STX18: variants seen among roughly 807,000 people sequenced by gnomAD.
STX18 encodes syntaxin-18.
A neutral mutation model predicts 50.1 loss-of-function variants in STX18; 40 were observed. The observed-to-expected ratio is 0.80, with a 90% CI of 0.62 to 1.04. The LOEUF (loss-of-function observed/expected upper bound fraction) is 1.04. Ranked by LOEUF, STX18 falls within the 50% of genes least tolerant of loss-of-function variation. The probability of loss-of-function intolerance (pLI) is 0.00; values close to 1 mark genes in which losing one functional copy is unlikely to be tolerated. For synonymous variants in STX18, 158 were observed against 151.8 expected (o/e 1.04, Z -0.30); for missense variants, 410 against 415.8 (o/e 0.99, Z 0.12).
intron 1 of STX18, among the ~76,000 whole-genome samples, chr4:4,486,034 T>C (rs1051201328): frequency 1.3e-5 from 2 of 152,234 alleles, no homozygotes; most frequent in African/African-American, 4.8e-5. Flanking sequence ...TCCAGGCACA[T>C]GGTAACTCCC....
chr4:4,538,762 A>G (rs972031628), intron 1 of STX18, among the ~76,000 whole-genome samples: 4 of 152,302 alleles, frequency 2.6e-5, no homozygotes, highest in South Asian at 2.1e-4. Flanking sequence ...AAGTAGCAGA[A>G]GCGAGATTTG....
At chr4:4,499,921 C>T (rs1249413784) in intron 1 of STX18, among the ~76,000 whole-genome samples, 1 of 151,804 alleles carries the variant, frequency 6.6e-6, no homozygotes, top group Admixed American at 6.6e-5. Context: ...GGATTTGACC[C>T]AACTGCTCAT....
At chr4:4,464,874 C>A (rs1337013761) in intron 2 of STX18, among the ~76,000 whole-genome samples, 1 of 151,420 alleles carries the variant, frequency 6.6e-6, no homozygotes, top group South Asian at 2.1e-4. Flanking sequence ...AAAAAAGTGG[C>A]TCCTGGATTC....
chr4:4,443,080 T>G (rs1233070430), intron 5 of STX18, among the ~76,000 whole-genome samples: 2 of 152,172 alleles, frequency 1.3e-5, no homozygotes, highest in African/African-American at 4.8e-5. Flanking sequence ...ATGGTGAGAG[T>G]ACCAAACAGT....
chr4:4,515,943 A>G (rs1487024602), intron 1 of STX18, among the ~76,000 whole-genome samples: 1 of 152,202 alleles, frequency 6.6e-6, no homozygotes, highest in African/African-American at 2.4e-5. Context: ...CTGATACAAA[A>G]GCTTTTGTGA....
chr4:4,531,928 T>C (rs1409492410), intron 1 of STX18, among the ~76,000 whole-genome samples: 1 of 152,236 alleles, frequency 6.6e-6, no homozygotes, highest in African/African-American at 2.4e-5. Context: ...GGTAAAAATA[T>C]ACTGTTTGCT....
intron 1 of STX18, chr4:4,507,835 A>G: frequency 1.4e-6 from 1 of 695,778 alleles, no homozygotes; most frequent in Non-Finnish European, 2.3e-6. Flanking sequence ...AAAAAAAAAA[A>G]AAGTTAAAAA....
At chr4:4,445,799 T>TATA (rs1726367607) in intron 5 of STX18, among the ~76,000 whole-genome samples, 1 of 152,236 alleles carries the variant, frequency 6.6e-6, no homozygotes, top group Non-Finnish European at 1.5e-5. Flanking sequence ...ATAAACATTC[T>TATA]AGCAGATTTT....
intron 1 of STX18, among the ~76,000 whole-genome samples, chr4:4,483,224 C>A (rs754176102): frequency 6.6e-6 from 1 of 152,040 alleles, no homozygotes; most frequent in Non-Finnish European, 1.5e-5. Context: ...TAATATTAAG[C>A]CCCTATCATC....
At position 4,419,185 on chromosome 4, in the gene STX18, G is replaced by C. The variant is rs1018111512; in HGVS notation, c.*849C>G. 2 of 152,226 alleles carry C rather than the reference G, an allele frequency of 1.3e-5. No individual in the cohort carries two copies. The highest frequency in any genetic ancestry group is 1.3e-4 in the Admixed American group (2 of 15,292). 9.4% of individuals were successfully genotyped at this position (152,226 alleles called of 1,614,324 possible). Reference sequence around the variant, plus strand: ...TGTCTCATGCCTTCAGTTACACATAGGTGTTCCTGTTTACAGTTCCTGGAG... The same window carrying C: ...TGTCTCATGCCTTCAGTTACACATACGTGTTCCTGTTTACAGTTCCTGGAG... On this transcript the variant is annotated 3_prime_UTR_variant, in exon 11 of 11. Transcript: ENST00000306200.
At chr4:4,474,915 T>C (rs6446651) in intron 1 of STX18, among the ~76,000 whole-genome samples, 51,581 of 152,168 alleles carry the variant, frequency 0.34, 12,582 homozygotes, top group African/African-American at 0.69. Flanking sequence ...ACAAGTTTGA[T>C]GTAATTGGTT....
upstream of STX18, chr4:4,542,335 C>G (rs1191760884): frequency 5.3e-6 from 1 of 189,800 alleles, no homozygotes; most frequent in Non-Finnish European, 1.1e-5. Flanking sequence ...TGGCGGCTCC[C>G]TCACTGAGAC....
At chr4:4,518,098 A>C (rs1158517599) in intron 1 of STX18, among the ~76,000 whole-genome samples, 1 of 152,188 alleles carries the variant, frequency 6.6e-6, no homozygotes, top group African/African-American at 2.4e-5. Flanking sequence ...AAAATGTTGC[A>C]AATATAATGA....
intron 1 of STX18, among the ~76,000 whole-genome samples, chr4:4,519,211 G>A (rs755220673): frequency 6.6e-6 from 1 of 152,116 alleles, no homozygotes; most frequent in Non-Finnish European, 1.5e-5. Flanking sequence ...TACTCAATAT[G>A]CTTAACACAC....
intron 5 of STX18, among the ~76,000 whole-genome samples, chr4:4,443,760 C>G (rs1232023455): frequency 6.6e-6 from 1 of 152,104 alleles, no homozygotes; most frequent in African/African-American, 2.4e-5. Flanking sequence ...ATGTAATACA[C>G]CCCCTTAACA....
At chr4:4,426,789 T>C (rs1026434711) in intron 7 of STX18, among the ~76,000 whole-genome samples, 5 of 152,174 alleles carry the variant, frequency 3.3e-5, no homozygotes, top group African/African-American at 1.2e-4. Flanking sequence ...TCTCAAGTGC[T>C]GGTCATGCCA....
chr4:4,477,315 T>C (rs1483877556), intron 1 of STX18, among the ~76,000 whole-genome samples: 1 of 152,194 alleles, frequency 6.6e-6, no homozygotes, highest in East Asian at 1.9e-4. Context: ...CATTTTGAGG[T>C]AGAGATTTTC....
At chr4:4,511,407 T>C (rs892486909) in intron 1 of STX18, among the ~76,000 whole-genome samples, 4 of 152,242 alleles carry the variant, frequency 2.6e-5, no homozygotes, top group Non-Finnish European at 5.9e-5. Flanking sequence ...TTCCTAAAAA[T>C]AGTGATTTCA....
At chr4:4,484,012 C>A (rs550630075) in intron 1 of STX18, among the ~76,000 whole-genome samples, 1 of 152,154 alleles carries the variant, frequency 6.6e-6, no homozygotes, top group Non-Finnish European at 1.5e-5. Flanking sequence ...CAGGTGCGTG[C>A]CACCATGCCC....
Sources: gnomAD v4.1 joint callset for allele counts (sites outside exome capture counted in the v4.1 genomes callset) on GRCh38, gnomAD v4.1.1 for gene constraint, MANE v1.5 for transcripts, NCBI Gene and HGNC (gene_info 2026-07-23, HGNC 2026-07-21) for gene names.